The following IP6K2 variants were observed in gnomAD, a reference collection of about 807,000 sequenced individuals.
IP6K2 encodes ATP:1D-myo-inositol-hexakisphosphate phosphotransferase.
A neutral mutation model predicts 43.3 loss-of-function variants in IP6K2; 9 were observed. The ratio of observed to expected loss-of-function variants is 0.21; its 90% CI spans 0.13 to 0.36. The LOEUF (loss-of-function observed/expected upper bound fraction) is 0.36. Among genes scored for constraint, IP6K2 ranks in the 10% least tolerant of loss-of-function variants. IP6K2 has a pLI of 1.00. For synonymous variants in IP6K2, 209 were observed against 202.4 expected, an observed-to-expected ratio of 1.03 and a Z score of -0.28; for missense variants, 332 against 538.4, an observed-to-expected ratio of 0.62 and a Z score of 3.79.
chr3:48,690,362 G>GT (rs2077659454), intron 4 of IP6K2, among the ~76,000 whole-genome samples: 1 of 152,222 alleles, frequency 6.6e-6, no homozygotes, highest in South Asian at 2.1e-4. Context: ...AAGGCTAGGC[G>GT]TGGTGGCTCA....
intron 1 of IP6K2, among the ~76,000 whole-genome samples, chr3:48,714,842 C>T (rs1334606870): frequency 4.4e-5 from 4 of 90,170 alleles, no homozygotes; most frequent in Non-Finnish European, 5.9e-5. Flanking sequence ...AGAGAGACTC[C>T]GTCTCAAAAA....
intron 1 of IP6K2, among the ~76,000 whole-genome samples, chr3:48,700,425 A>G (rs2078894764): frequency 6.6e-6 from 1 of 152,212 alleles, no homozygotes; most frequent in South Asian, 2.1e-4. Context: ...GATAAAGCCC[A>G]TGCAATGTGT....
intron 1 of IP6K2, among the ~76,000 whole-genome samples, chr3:48,707,222 G>A (rs1455542254): frequency 6.6e-6 from 1 of 152,168 alleles, no homozygotes; most frequent in Non-Finnish European, 1.5e-5. Flanking sequence ...TGGGGGAAGA[G>A]GAGGATTCAA....
chr3:48,692,740 G>A (rs143516689), intron 3 of IP6K2, among the ~76,000 whole-genome samples: 2 of 152,360 alleles, frequency 1.3e-5, no homozygotes, highest in East Asian at 1.9e-4. Context: ...ATCTCTTACA[G>A]CTGCCAGTGC....
chr3:48,705,196 C>T (rs1171790043), intron 1 of IP6K2, among the ~76,000 whole-genome samples: 1 of 152,092 alleles, frequency 6.6e-6, no homozygotes, highest in Non-Finnish European at 1.5e-5. Context: ...GCTGCCTCAG[C>T]CTCCCAAAGT....
chr3:48,710,608 A>C (rs1292133312), intron 1 of IP6K2, among the ~76,000 whole-genome samples: 1 of 151,528 alleles, frequency 6.6e-6, no homozygotes, highest in Non-Finnish European at 1.5e-5. Context: ...GTTCATGTTC[A>C]TTAGTTTAGT....
chr3:48,693,994 C>CAGTGTA, intron 2 of IP6K2: 1 of 1,367,882 alleles, frequency 7.3e-7, no homozygotes, highest in South Asian at 1.9e-5. Flanking sequence ...GCCTTACAAA[C>CAGTGTA]GACTGGCTGA....
chr3:48,694,879 C>G, intron 2 of IP6K2: 1 of 1,538,814 alleles, frequency 6.5e-7, no homozygotes, highest in Non-Finnish European at 8.7e-7. Flanking sequence ...ATCCACACAA[C>G]AAAACAGAAT....
chr3:48,698,050 A>C (rs144009620), intron 1 of IP6K2, among the ~76,000 whole-genome samples: 39 of 152,280 alleles, frequency 2.6e-4, no homozygotes, highest in African/African-American at 6.3e-4. Context: ...GCCTCCAGGA[A>C]GGCACGTATT....
rs1478244080 is a variant in IP6K2 at position 48,694,805 on chromosome 3, T to C, written c.202+285A>G. On this transcript the variant is annotated intron_variant, in intron 2 of 5. Transcript: ENST00000328631. ...CGTCCCCCCAGTGGGGGACTATGGGTTACTGTGATCAAGAGACACCTGAAC... is the reference window on the plus strand; with the variant it reads ...CGTCCCCCCAGTGGGGGACTATGGGCTACTGTGATCAAGAGACACCTGAAC... The C allele has an allele frequency of 1.1e-5, 17 of 1,536,008 alleles. 1 individual carries two copies. The Admixed American group carries it at 3.3e-4, about 30-fold the overall frequency.
chr3:48,690,183 C>T (rs2077642500), intron 4 of IP6K2, among the ~76,000 whole-genome samples: 1 of 152,210 alleles, frequency 6.6e-6, no homozygotes, highest in Non-Finnish European at 1.5e-5. Context: ...AAACAATAAC[C>T]AGAAATAATG....
chr3:48,690,777 G>A (rs1331381105), intron 4 of IP6K2, among the ~76,000 whole-genome samples: 11 of 131,522 alleles, frequency 8.4e-5, no homozygotes, highest in African/African-American at 3.2e-4. Flanking sequence ...GGACGAGCAA[G>A]ACTCTGTCTC....
intron 1 of IP6K2, among the ~76,000 whole-genome samples, chr3:48,710,066 A>G (rs954412014): frequency 6.6e-6 from 1 of 152,192 alleles, no homozygotes; most frequent in Non-Finnish European, 1.5e-5. Flanking sequence ...TTTGTGAGGA[A>G]AGCAGTGGAT....
chr3:48,701,827 G>A (rs1162181186), intron 1 of IP6K2, among the ~76,000 whole-genome samples: 1 of 152,154 alleles, frequency 6.6e-6, no homozygotes, highest in Non-Finnish European at 1.5e-5. Flanking sequence ...GAGCACGGGA[G>A]GCGGAGGTTG....
At chr3:48,706,124 T>G (rs1158156912) in intron 1 of IP6K2, among the ~76,000 whole-genome samples, 2 of 151,970 alleles carry the variant, frequency 1.3e-5, no homozygotes, top group East Asian at 3.9e-4. Flanking sequence ...GGAGAATCAC[T>G]TGAACCCGGG....
intron 1 of IP6K2, among the ~76,000 whole-genome samples, chr3:48,698,684 G>A (rs1262833646): frequency 6.6e-6 from 1 of 152,138 alleles, no homozygotes; most frequent in Non-Finnish European, 1.5e-5. Context: ...TGTTGGCCAG[G>A]CTGGTCTCGA....
At chr3:48,694,688 G>A in intron 2 of IP6K2, 1 of 1,506,164 alleles carries the variant, frequency 6.6e-7, no homozygotes, top group Non-Finnish European at 8.8e-7. Flanking sequence ...CTGCTCCCCG[G>A]CCTACCTAAT....
At chr3:48,703,131 A>ACATT (rs2079254557) in intron 1 of IP6K2, among the ~76,000 whole-genome samples, 1 of 152,244 alleles carries the variant, frequency 6.6e-6, no homozygotes, top group South Asian at 2.1e-4. Flanking sequence ...CCACGCCTGA[A>ACATT]CATTCATCTG....
intron 2 of IP6K2, chr3:48,693,906 G>A (rs2078015775): frequency 7.8e-7 from 1 of 1,280,218 alleles, no homozygotes; most frequent in Non-Finnish European, 9.9e-7. Context: ...TAAGTCTCTA[G>A]AACCTGCCAT....
Sources: gnomAD v4.1 joint callset for allele counts (sites outside exome capture counted in the v4.1 genomes callset) on GRCh38, gnomAD v4.1.1 for gene constraint, MANE v1.5 for transcripts, NCBI Gene and HGNC (gene_info 2026-07-23, HGNC 2026-07-21) for gene names.